Variants in DDI2 observed in about 807,000 individuals in gnomAD.
DDI2 encodes protein DDI1 homolog 2.
Under a neutral mutation model 48.1 loss-of-function variants are expected in DDI2, and 5 were observed. That is an observed-to-expected ratio of 0.10 (90% confidence interval 0.05 to 0.22). DDI2 has a LOEUF of 0.22. Ranked by LOEUF, DDI2 falls within the 10% of genes least tolerant of loss-of-function variation. DDI2 has a pLI of 1.00. For synonymous variants in DDI2, 205 were observed against 183.6 expected (o/e 1.12, Z -0.94); for missense variants, 285 against 506.2 (o/e 0.56, Z 4.19).
At position 15,667,820 on chromosome 1, in the gene DDI2, A is replaced by G. The variant is rs1640478304; in HGVS notation, c.*8030A>G. 6.6e-6 allele frequency: 1 copy of G among 152,178 alleles called. No individual in the cohort carries two copies. The highest frequency in any genetic ancestry group is 2.4e-5 in the African/African-American group (1 of 41,430). The allele number at this position is 152,178 out of a possible 1,614,324, so 9.4% of individuals were successfully genotyped here. A position where few individuals can be genotyped will look rare whatever the true frequency, so the allele number is the denominator to read the frequency against. ...GTTCTCAAAGGTTTATCAGTTATGT[A>G]TTGATGATTGGTAATCTAGACCCTC... On this transcript the variant is annotated 3_prime_UTR_variant, in exon 10 of 10. Transcript: ENST00000480945.
In DDI2 at chr1:15,617,772, C is replaced by T. The variant is rs1639586622; in HGVS notation, c.102C>T (p.Cys34=). Residue 34 remains cysteine, a synonymous_variant, in exon 1 of 10, where the codon TGC becomes TGT. Coordinates refer to ENST00000480945, the MANE Select transcript of DDI2 (RefSeq NM_032341.5). ...DFELHNFRAL[C]ELESGIPAAE... is the part of the protein sequence containing the mutation. Reference sequence around the variant, plus strand: ...AGCTGCACAACTTCCGCGCGCTGTGCGAGCTCGAGTCTGGCATCCCCGCAG... The same window carrying T: ...AGCTGCACAACTTCCGCGCGCTGTGTGAGCTCGAGTCTGGCATCCCCGCAG... 1.9e-6 allele frequency: 3 copies of T among 1,607,886 alleles called. No individual in the cohort carries two copies. The highest frequency in any genetic ancestry group is 8.5e-7 in the Non-Finnish European group (1 of 1,178,400).
chr1:15,636,043 G>T (rs1639921879), intron 4 of DDI2, among the ~76,000 whole-genome samples: 1 of 152,280 alleles, frequency 6.6e-6, no homozygotes, highest in East Asian at 1.9e-4. Context: ...TTTAAATTTT[G>T]TTGCAAAATG....
In DDI2 at chr1:15,617,528, G is replaced by C. The variant is rs1268115034; in HGVS notation, c.-143G>C. 1 of 551,316 alleles carries C rather than the reference G, an allele frequency of 1.8e-6. No individual in the cohort carries two copies. The highest frequency in any genetic ancestry group is 2.7e-6 in the Non-Finnish European group (1 of 371,696). The allele number at this position is 551,316 out of a possible 1,614,324, so 34.2% of individuals were successfully genotyped here. ...GGCGGGAGGGAGTGACTCACTGAGC[G>C]TGTGTGAGGGAGGGAGCGAGCGAGC... is the stretch of plus-strand genomic sequence containing the variant. On this transcript the variant is annotated 5_prime_UTR_variant, in exon 1 of 10. Coordinates refer to ENST00000480945, the MANE Select transcript of DDI2 (RefSeq NM_032341.5).
chr1:15,617,839 G>T (rs1361000960), intron 1 of DDI2, 31 bp downstream of exon 1: 2 of 1,549,394 alleles, frequency 1.3e-6, no homozygotes, highest in Non-Finnish European at 1.7e-6. Flanking sequence ...GGCCTGCCCC[G>T]GAGCTAAGCC....
At chr1:15,644,456 C>G (rs1425118876) in intron 6 of DDI2, among the ~76,000 whole-genome samples, 5 of 152,098 alleles carry the variant, frequency 3.3e-5, no homozygotes, top group Non-Finnish European at 7.3e-5. Context: ...GGTTGGAAAT[C>G]ATTTTCCTTC....
rs1640490519 is a variant in DDI2 at position 15,668,912 on chromosome 1, A to G, written c.*9122A>G. On this transcript the variant is annotated 3_prime_UTR_variant, in exon 10 of 10. Coordinates refer to ENST00000480945, the MANE Select transcript of DDI2 (RefSeq NM_032341.5). ...ATTTGGGTTTGAATTTTTGTCACAT[A>G]CTGAAATGTAAGTCAGCCCTAAATA... 1 of 152,228 alleles carries G rather than the reference A, an allele frequency of 6.6e-6. No homozygotes were observed. The highest frequency in any genetic ancestry group is 2.4e-5 in the African/African-American group (1 of 41,462). 9.4% of individuals were successfully genotyped at this position (152,228 alleles called of 1,614,324 possible).
At chr1:15,658,889 A>G (rs1353877744) in intron 9 of DDI2, among the ~76,000 whole-genome samples, 3 of 152,210 alleles carry the variant, frequency 2.0e-5, no homozygotes, top group Non-Finnish European at 4.4e-5. Flanking sequence ...TGGGTGGTCT[A>G]AGGTAGCAGT....
chr1:15,635,647 C>T (rs1639916872), intron 4 of DDI2, among the ~76,000 whole-genome samples: 1 of 152,146 alleles, frequency 6.6e-6, no homozygotes, highest in Non-Finnish European at 1.5e-5. Context: ...TCAGGTGATC[C>T]ACCCTCCTCA....
rs1019239593 is a variant in DDI2 at position 15,666,539 on chromosome 1, A to G, written c.*6749A>G. 2.0e-5 allele frequency: 3 copies of G among 152,228 alleles called. No individual in the cohort carries two copies. The highest frequency in any genetic ancestry group is 4.8e-5 in the African/African-American group (2 of 41,466). The allele number at this position is 152,228 out of a possible 1,614,324, so 9.4% of individuals were successfully genotyped here. A position where few individuals can be genotyped will look rare whatever the true frequency, so the allele number is the denominator to read the frequency against. ...CAATGTTGTGCTGGTTAAGGGAGAG[A>G]AAAGTTCAAGAAGATCTTACATATT... On this transcript the variant is annotated 3_prime_UTR_variant, in exon 10 of 10. Transcript: ENST00000480945.
Position 15,638,375 on chromosome 1 carries a change from T to C in DDI2, c.701T>C (p.Val234Ala). The change falls in exon 5 of 10, where the codon GTG becomes GCG. Residue 234 changes from valine (V) to alanine (A), a missense_variant. Val to Ala is a moderately conservative substitution (Grantham distance 64). Transcript: ENST00000480945. ...EEAPESFGQVVMLYINCKVNG... is the reference protein window; with the variant it reads ...EEAPESFGQVAMLYINCKVNG... ...GCTCCGGAAAGTTTTGGCCAAGTAGTGATGCTTTATATTAACTGCAAAGTG... is the reference window on the plus strand; with the variant it reads ...GCTCCGGAAAGTTTTGGCCAAGTAGCGATGCTTTATATTAACTGCAAAGTG... 2.5e-6 allele frequency: 4 copies of C among 1,614,038 alleles called. No individual in the cohort carries two copies. Among genetic ancestry groups the C allele is most frequent in the Non-Finnish European group, 3.4e-6 (4 of 1,179,972 alleles).
chr1:15,660,586 A>G lies in DDI2; in HGVS notation c.*796A>G, dbSNP rs1234589101. Reference sequence around the variant, plus strand: ...GAAAAGTATTCCATCTTCAGAATGCAGTGGCTGCTCAAATTCAGAAACATT... The same window carrying G: ...GAAAAGTATTCCATCTTCAGAATGCGGTGGCTGCTCAAATTCAGAAACATT... On this transcript the variant is annotated 3_prime_UTR_variant, in exon 10 of 10. Transcript: ENST00000480945. The G allele has an allele frequency of 4.3e-6, 7 of 1,613,872 alleles. No individual in the cohort carries two copies. Among genetic ancestry groups the G allele is most frequent in the Non-Finnish European group, 5.1e-6 (6 of 1,179,976 alleles).
intron 4 of DDI2, chr1:15,634,143 C>T (rs138512245): frequency 1.0e-3 from 181 of 178,574 alleles, no homozygotes; most frequent in African/African-American, 4.1e-3. Flanking sequence ...ATAGTAAAAT[C>T]ACATGAGAAA....
At chr1:15,625,415 G>A (rs533034989) in intron 1 of DDI2, among the ~76,000 whole-genome samples, 1 of 140,936 alleles carries the variant, frequency 7.1e-6, no homozygotes, top group South Asian at 2.2e-4. Flanking sequence ...TAATAATGCA[G>A]GGCAGATTTT....
chr1:15,655,098 AT>A (rs1291195711), intron 8 of DDI2, among the ~76,000 whole-genome samples: 4 of 152,152 alleles, frequency 2.6e-5, no homozygotes. Context: ...AGATACACAT[AT>A]GTTTCCAGGC....
In DDI2 at chr1:15,667,767, T is replaced by A. The variant is rs1003997413; in HGVS notation, c.*7977T>A. 8.5e-5 allele frequency: 13 copies of A among 152,224 alleles called. No individual in the cohort carries two copies. Among genetic ancestry groups the A allele is most frequent in the Non-Finnish European group, 1.6e-4 (11 of 68,032 alleles). The allele number at this position is 152,224 out of a possible 1,614,324, so 9.4% of individuals were successfully genotyped here. A position where few individuals can be genotyped will look rare whatever the true frequency, so the allele number is the denominator to read the frequency against. On this transcript the variant is annotated 3_prime_UTR_variant, in exon 10 of 10. Coordinates refer to ENST00000480945, the MANE Select transcript of DDI2 (RefSeq NM_032341.5). ...AGAATTTCTGGATCGTAACTACTAG[T>A]GACTTCTGAGGTTTACAGTTAGAAA... is the stretch of plus-strand genomic sequence containing the variant.
chr1:15,660,749 G>T lies in DDI2; in HGVS notation c.*959G>T. 6.2e-7 allele frequency: 1 copy of T among 1,613,806 alleles called. No individual in the cohort carries two copies. The highest frequency in any genetic ancestry group is 8.5e-7 in the Non-Finnish European group (1 of 1,179,956). ...TTGATGGAAGTAGAAACATCAAAATGTAACCCTTCATCTGAAATTTTGAAT... is the reference window on the plus strand; with the variant it reads ...TTGATGGAAGTAGAAACATCAAAATTTAACCCTTCATCTGAAATTTTGAAT... On this transcript the variant is annotated 3_prime_UTR_variant, in exon 10 of 10. Coordinates refer to ENST00000480945, the MANE Select transcript of DDI2 (RefSeq NM_032341.5).
chr1:15,635,541 G>C (rs1275914235), intron 4 of DDI2, among the ~76,000 whole-genome samples: 1 of 152,132 alleles, frequency 6.6e-6, no homozygotes, highest in African/African-American at 2.4e-5. Flanking sequence ...GAGTAGCTGG[G>C]ATTACAGGCA....
chr1:15,645,199 T>A (rs888838458), intron 6 of DDI2, among the ~76,000 whole-genome samples: 1 of 152,244 alleles, frequency 6.6e-6, no homozygotes, highest in Non-Finnish European at 1.5e-5. Flanking sequence ...GCCTTCTTTT[T>A]CTTCTTTGAA....
chr1:15,628,655 A>C (rs761620892), intron 2 of DDI2, among the ~76,000 whole-genome samples: 13 of 152,222 alleles, frequency 8.5e-5, no homozygotes, highest in Non-Finnish European at 1.9e-4. Flanking sequence ...ACTCAGGCCT[A>C]GCCCCTCATT....
Sources: gnomAD v4.1 joint callset for allele counts (sites outside exome capture counted in the v4.1 genomes callset) on GRCh38, gnomAD v4.1.1 for gene constraint, MANE v1.5 for transcripts, NCBI Gene and HGNC (gene_info 2026-07-23, HGNC 2026-07-21) for gene names.